Variants in CAMTA1 observed in about 807,000 individuals in gnomAD.
CAMTA1 encodes the protein calmodulin binding transcription activator 1, also known as calmodulin-binding transcription activator 1.
A neutral mutation model predicts 170.9 loss-of-function variants in CAMTA1; 27 were observed. The ratio of observed to expected loss-of-function variants is 0.16; its 90% CI spans 0.12 to 0.22. The LOEUF is 0.22. Among genes scored for constraint, CAMTA1 ranks in the 10% least tolerant of loss-of-function variants. The pLI, the probability that CAMTA1 is intolerant of heterozygous loss-of-function variation, is 1.00. For missense variants in CAMTA1, 1,619 were observed against 2,217.2 expected, an observed-to-expected ratio of 0.73 and a Z score of 5.42; for synonymous variants, 833 against 891.5, an observed-to-expected ratio of 0.93 and a Z score of 1.17.
intron 7 of CAMTA1, among the ~76,000 whole-genome samples, chr1:7,660,443 C>G (rs12086736): frequency 1.3e-5 from 2 of 152,230 alleles, no homozygotes; most frequent in African/African-American, 4.8e-5. Context: ...GAGGCTGAGG[C>G]GGGAGGATCA....
intron 16 of CAMTA1, among the ~76,000 whole-genome samples, chr1:7,741,630 C>T (rs2096817414): frequency 6.6e-6 from 1 of 151,910 alleles, no homozygotes; most frequent in East Asian, 1.9e-4. Context: ...TGCGGTGGCT[C>T]ATGCCTGTAT....
At chr1:7,217,258 A>G (rs899640367) in intron 4 of CAMTA1, among the ~76,000 whole-genome samples, 3 of 152,198 alleles carry the variant, frequency 2.0e-5, no homozygotes, top group Non-Finnish European at 4.4e-5. Flanking sequence ...CCATGTGAAG[A>G]AGGAAGTGTT....
intron 3 of CAMTA1, among the ~76,000 whole-genome samples, chr1:6,953,611 T>C (rs1053118597): frequency 2.0e-5 from 3 of 152,230 alleles, no homozygotes; most frequent in Non-Finnish European, 4.4e-5. Flanking sequence ...TGGAATCCAC[T>C]TTTCTTACCT....
At chr1:6,942,000 T>C (rs1049591886) in intron 3 of CAMTA1, among the ~76,000 whole-genome samples, 19 of 152,154 alleles carry the variant, frequency 1.2e-4, no homozygotes, top group African/African-American at 4.6e-4. Context: ...GCTGCGCTGC[T>C]GTCCTGGGAA....
At chr1:6,800,106 T>G (rs1643534990) in intron 1 of CAMTA1, among the ~76,000 whole-genome samples, 1 of 152,080 alleles carries the variant, frequency 6.6e-6, no homozygotes. Flanking sequence ...TATACTATAT[T>G]TACTTTAAAA....
chr1:7,033,871 G>T (rs915041880), intron 3 of CAMTA1, among the ~76,000 whole-genome samples: 10 of 152,118 alleles, frequency 6.6e-5, no homozygotes, highest in Non-Finnish European at 1.0e-4. Flanking sequence ...TGGGATTACA[G>T]GCATGAGCCA....
At position 7,747,766 on chromosome 1, in the gene CAMTA1, C is replaced by T; in HGVS notation, c.4674C>T (p.Tyr1558=). 5 of 1,612,228 alleles carry T rather than the reference C, an allele frequency of 3.1e-6. No individual in the cohort carries two copies. The highest frequency in any genetic ancestry group is 2.5e-6 in the Non-Finnish European group (3 of 1,179,152). The change falls in exon 19 of 23, where the codon TAC becomes TAT. Residue 1558 remains tyrosine (Y), a synonymous_variant. Coordinates refer to ENST00000303635, the MANE Select transcript of CAMTA1 (RefSeq NM_015215.4). ...EVAAAVIQRC[Y]RKYKQYALYK... ...CTGCTGCTGTTATTCAGCGTTGTTA[C>T]AGAAAATATAAACAGGTAAACCTCA...
chr1:7,745,850 C>T lies in CAMTA1; in HGVS notation c.4376C>T (p.Ala1459Val). Residue 1459 changes from alanine (A) to valine (V), a missense_variant, in exon 18 of 23, where the codon GCA (alanine) becomes GTA (valine). This residue lies in a region of CAMTA1 where 370 missense variants were observed against 429.4 expected (regional missense o/e 0.86). Transcript: ENST00000303635. The part of the protein sequence containing the change: ...CLPSAAQIRS[A>V]YNEPLTPSSN... ...TTTTTCTCCTCTTGTTTCAGAAGTG[C>T]ATATAACGAGCCTCTAACCCCTTCT... The T allele has an allele frequency of 6.2e-7, 1 of 1,614,156 alleles. No individual in the cohort carries two copies. The highest frequency in any genetic ancestry group is 8.5e-7 in the Non-Finnish European group (1 of 1,180,002).
chr1:7,712,937 A>G (rs2096582133), intron 11 of CAMTA1, among the ~76,000 whole-genome samples: 1 of 152,132 alleles, frequency 6.6e-6, no homozygotes, highest in African/African-American at 2.4e-5. Flanking sequence ...CTATCACGAG[A>G]ACAGCAGGAG....
At chr1:7,255,266 C>T (rs1004694693) in intron 5 of CAMTA1, among the ~76,000 whole-genome samples, 8 of 151,834 alleles carry the variant, frequency 5.3e-5, no homozygotes, top group Admixed American at 2.6e-4. Context: ...TGCACATGTA[C>T]GCCAGAGCTT....
At chr1:7,739,813 G>C (rs1218703990) in intron 16 of CAMTA1, among the ~76,000 whole-genome samples, 1 of 152,072 alleles carries the variant, frequency 6.6e-6, no homozygotes, top group Non-Finnish European at 1.5e-5. Context: ...ATTAGATTTG[G>C]GTAGGGACAC....
intron 3 of CAMTA1, among the ~76,000 whole-genome samples, chr1:7,066,160 T>C (rs1467136205): frequency 2.0e-5 from 3 of 152,234 alleles, no homozygotes; most frequent in Non-Finnish European, 4.4e-5. Flanking sequence ...GTCTTTTCTC[T>C]CTGGCCCTTT....
At chr1:7,368,191 C>T (rs529545473) in intron 5 of CAMTA1, among the ~76,000 whole-genome samples, 1 of 143,412 alleles carries the variant, frequency 7.0e-6, no homozygotes, top group South Asian at 2.3e-4. Flanking sequence ...TTTCATTGGG[C>T]ACAGACACTG....
intron 4 of CAMTA1, among the ~76,000 whole-genome samples, chr1:7,120,576 T>C (rs1202642886): frequency 6.6e-6 from 1 of 152,184 alleles, no homozygotes; most frequent in African/African-American, 2.4e-5. Context: ...CCTTTGCCGT[T>C]CTGTTGGTGA....
intron 4 of CAMTA1, among the ~76,000 whole-genome samples, chr1:7,161,441 C>G (rs535066946): frequency 2.6e-5 from 4 of 152,218 alleles, no homozygotes; most frequent in Admixed American, 1.3e-4. Context: ...CAAATCTCAT[C>G]TTGAATTGGA....
intron 5 of CAMTA1, among the ~76,000 whole-genome samples, chr1:7,365,231 C>CA (rs2085873694): frequency 7.8e-6 from 1 of 127,840 alleles, no homozygotes; most frequent in East Asian, 2.8e-4. Context: ...CTGGTGGCTG[C>CA]GCTGTGGATG....
intron 4 of CAMTA1, among the ~76,000 whole-genome samples, chr1:7,209,502 G>C (rs1051193204): frequency 9.2e-5 from 14 of 152,146 alleles, no homozygotes; most frequent in Non-Finnish European, 1.5e-5. Flanking sequence ...GAACTGGGAG[G>C]GGGAGGCAGC....
chr1:6,800,897 C>T (rs1324033697), intron 1 of CAMTA1, among the ~76,000 whole-genome samples: 1 of 152,148 alleles, frequency 6.6e-6, no homozygotes, highest in Non-Finnish European at 1.5e-5. Flanking sequence ...TCCTGGTGTT[C>T]GTGTAAACAT....
intron 3 of CAMTA1, among the ~76,000 whole-genome samples, chr1:6,876,614 C>T (rs765225694): frequency 4.6e-5 from 7 of 152,134 alleles, no homozygotes; most frequent in South Asian, 2.1e-4. Flanking sequence ...CCACCCGCCT[C>T]GGCCTCCTAG....
Sources: allele counts gnomAD v4.1 joint callset (sites outside exome capture counted in the v4.1 genomes callset), GRCh38; gene constraint gnomAD v4.1.1; regional missense constraint gnomAD v4.1.1; transcripts MANE v1.5; gene names NCBI Gene and HGNC (gene_info 2026-07-23, HGNC 2026-07-21).